The following ACSL6 variants were observed in gnomAD, a reference collection of about 807,000 sequenced individuals.
ACSL6 encodes the protein long-chain-fatty-acid--CoA ligase 6.
A neutral mutation model predicts 98.2 loss-of-function variants in ACSL6; 47 were observed. The ratio of observed to expected loss-of-function variants is 0.48; its 90% confidence interval spans 0.38 to 0.61. ACSL6 has a LOEUF of 0.61. ACSL6 is among the 20% of genes least tolerant of loss of function. The probability of loss-of-function intolerance (pLI) is 0.00; values close to 1 mark genes in which losing one functional copy is unlikely to be tolerated. For missense variants in ACSL6, 761 were observed against 913.4 expected (o/e 0.83, Z 2.15); for synonymous variants, 362 against 336.9 (o/e 1.07, Z -0.82).
intron 20 of ACSL6, among the ~76,000 whole-genome samples, chr5:131,956,377 A>G (rs1265293287): frequency 1.3e-5 from 2 of 152,226 alleles, no homozygotes; most frequent in Non-Finnish European, 2.9e-5. Flanking sequence ...CTGCAGCTCT[A>G]TGTGGCTGTC....
intron 1 of ACSL6, among the ~76,000 whole-genome samples, chr5:131,995,692 A>G (rs1414471097): frequency 1.3e-5 from 2 of 152,222 alleles, no homozygotes; most frequent in Non-Finnish European, 2.9e-5. Flanking sequence ...ACATCATGAC[A>G]CCGGAGATGA....
In ACSL6 at chr5:131,954,168, T is replaced by G. The variant is rs1752279161; in HGVS notation, c.*66A>C. 1 of 1,460,758 alleles carries G rather than the reference T, an allele frequency of 6.8e-7. No homozygotes were observed. The highest frequency in any genetic ancestry group is 1.4e-5 in the African/African-American group (1 of 69,406). The allele number at this position is 1,460,758 out of a possible 1,614,324, so 90.5% of individuals were successfully genotyped here. On this transcript the variant is annotated 3_prime_UTR_variant, in exon 21 of 21. Coordinates refer to ENST00000651883, the MANE Select transcript of ACSL6 (RefSeq NM_001009185.3). The stretch of plus-strand genomic sequence containing the variant: ...TTTCAGCTGTGTCATTTTGACTCAT[T>G]ACTTTCAAGAATAACTATAATATTG...
intron 10 of ACSL6, chr5:131,975,533 G>T (rs1456068959): frequency 1.0e-6 from 1 of 985,304 alleles, no homozygotes; most frequent in African/African-American, 1.7e-5. Context: ...TGTGGCTGGG[G>T]TATGAGCCCC....
intron 20 of ACSL6, among the ~76,000 whole-genome samples, chr5:131,958,618 T>C (rs1208996981): frequency 6.6e-6 from 1 of 152,238 alleles, no homozygotes; most frequent in Non-Finnish European, 1.5e-5. Flanking sequence ...CCTGAAACTA[T>C]GCTTAGATTT....
chr5:131,966,392 C>T (rs1753014682), intron 17 of ACSL6, 24 bp downstream of exon 17: 4 of 1,611,330 alleles, frequency 2.5e-6, no homozygotes, highest in South Asian at 2.2e-5. Flanking sequence ...ATGTTTGGAG[C>T]TCCGTGGTTC....
chr5:132,006,210 A>G (rs1479665885), intron 1 of ACSL6: 2 of 152,168 alleles, frequency 1.3e-5, no homozygotes, highest in Non-Finnish European at 2.9e-5. Flanking sequence ...TGGGATTTGA[A>G]ATCCTTCTGG....
chr5:131,962,481 G>C (rs1752762057), intron 18 of ACSL6, 54 bp downstream of exon 18: 30 of 1,549,004 alleles, frequency 1.9e-5, no homozygotes, highest in Non-Finnish European at 2.5e-5. Context: ...TGTTTAATCT[G>C]GGTTTTTCAG....
intron 9 of ACSL6, among the ~76,000 whole-genome samples, chr5:131,980,188 A>C (rs1753816337): frequency 6.6e-6 from 1 of 152,146 alleles, no homozygotes; most frequent in African/African-American, 2.4e-5. Context: ...TATAATAGTT[A>C]CCGGTGACTG....
intron 13 of ACSL6, among the ~76,000 whole-genome samples, chr5:131,972,449 CCCAA>C (rs1753362551): frequency 6.6e-6 from 1 of 152,152 alleles, no homozygotes; most frequent in South Asian, 2.1e-4. Flanking sequence ...GACCTGACTA[CCCAA>C]GGTCAAAGCC....
chr5:132,009,264 C>T (rs1305775327), intron 1 of ACSL6, among the ~76,000 whole-genome samples: 1 of 152,218 alleles, frequency 6.6e-6, no homozygotes, highest in Non-Finnish European at 1.5e-5. Flanking sequence ...CCTGGCCCTA[C>T]CTTGTCTCCC....
At chr5:131,994,294 C>A (rs558156603) in intron 1 of ACSL6, 43 bp from the exon 2 acceptor site, 1 of 1,538,614 alleles carries the variant, frequency 6.5e-7, no homozygotes, top group African/African-American at 1.4e-5. Flanking sequence ...ACCTGACGGG[C>A]AGGTTAGGGA....
chr5:131,959,298 A>G (rs1307919893), intron 20 of ACSL6, among the ~76,000 whole-genome samples: 1 of 152,236 alleles, frequency 6.6e-6, no homozygotes, highest in Non-Finnish European at 1.5e-5. Flanking sequence ...CAGCTAGGGT[A>G]TTATTTCAGC....
At chr5:131,985,350 G>A (rs1754118356) in intron 9 of ACSL6, 57 bp downstream of exon 9, 2 of 1,606,416 alleles carry the variant, frequency 1.2e-6, no homozygotes, top group Non-Finnish European at 1.7e-6. Context: ...TCACCTGCTA[G>A]GCCACCAGGG....
At chr5:131,984,322 G>C (rs1754053857) in intron 9 of ACSL6, 1 of 152,262 alleles carries the variant, frequency 6.6e-6, no homozygotes, top group South Asian at 2.1e-4. Flanking sequence ...TGCCTTAGAG[G>C]CTGCATCTGC....
intron 14 of ACSL6, 63 bp downstream of exon 14, chr5:131,971,487 A>T: frequency 7.2e-7 from 1 of 1,381,090 alleles, no homozygotes. Flanking sequence ...TAGAGGGTAT[A>T]GTAGTTTTCC....
rs554578469 is a variant in ACSL6 at position 132,011,208 on chromosome 5, G to A, written c.49+297C>T. On this transcript the variant is annotated intron_variant, in intron 1 of 20. Transcript: ENST00000651883. This position sits in a 1 kb window ranked among gnomAD's most constrained non-coding sequence, Gnocchi z 5.4. ...CAGGGCCTAATCTGATCCGCGGATG[G>A]TCCTTGCCATCAGGGAAGGGGGACG... Among the ~76,000 whole-genome samples, 5 of 152,284 alleles carry A rather than the reference G, an allele frequency of 3.3e-5. No homozygotes were observed. The highest frequency in any genetic ancestry group is 1.2e-4 in the African/African-American group (5 of 41,546).
At chr5:131,970,552 G>A (rs1186239148) in intron 14 of ACSL6, among the ~76,000 whole-genome samples, 1 of 151,990 alleles carries the variant, frequency 6.6e-6, no homozygotes, top group East Asian at 1.9e-4. Context: ...TGGGACTACA[G>A]ACATGTGCCA....
At position 131,988,722 on chromosome 5, in the gene ACSL6, G is replaced by A. The variant is rs930681844; in HGVS notation, c.652+83C>T. On this transcript the variant is annotated intron_variant, in intron 6 of 20. Coordinates refer to ENST00000651883, the MANE Select transcript of ACSL6 (RefSeq NM_001009185.3). Reference sequence around the variant, plus strand: ...AGCAAAGTGCCTCTTACGAGTGTCAGACAATCAGCATAACCTGAGAAGCTG... The same window carrying A: ...AGCAAAGTGCCTCTTACGAGTGTCAAACAATCAGCATAACCTGAGAAGCTG... 7 of 1,565,772 alleles carry A rather than the reference G, an allele frequency of 4.5e-6. No individual in the cohort carries two copies. In the Admixed American group the frequency reaches 1.2e-4, roughly 26 times the overall value.
chr5:131,951,316 TC>T lies in ACSL6; in HGVS notation c.*2917del, dbSNP rs1228726669. On this transcript the variant is annotated 3_prime_UTR_variant, in exon 21 of 21. Transcript: ENST00000651883. ...ATGAGAAATACAGATTTTTTTCTCC[TC>T]CAGAATAAAGTTGGGAAATCTGAAG... is the stretch of plus-strand genomic sequence containing the variant. The T allele has an allele frequency of 2.4e-5, 5 of 204,082 alleles. No homozygotes were observed. Among genetic ancestry groups the T allele is most frequent in the African/African-American group, 1.1e-4 (5 of 43,718 alleles). 12.6% of individuals were successfully genotyped at this position (204,082 alleles called of 1,614,324 possible).
Sources: allele counts gnomAD v4.1 joint callset (sites outside exome capture counted in the v4.1 genomes callset), GRCh38; gene constraint gnomAD v4.1.1; non-coding constraint Gnocchi (gnomAD v3.1); transcripts MANE v1.5; gene names NCBI Gene and HGNC (gene_info 2026-07-23, HGNC 2026-07-21).